FHIT: variants seen among roughly 807,000 people sequenced by gnomAD.
The protein encoded by FHIT is bis(5'-adenosyl)-triphosphatase.
A neutral mutation model predicts 17.9 loss-of-function variants in FHIT; 19 were observed. The ratio of observed to expected loss-of-function variants is 1.06; its 90% CI spans 0.74 to 1.56. The LOEUF is 1.56. FHIT is among the 40% of genes most tolerant of loss of function. The pLI, the probability that FHIT is intolerant of heterozygous loss-of-function variation, is 0.00. For missense variants in FHIT, 248 were observed against 189.2 expected (o/e 1.31, Z -1.82); for synonymous variants, 81 against 69.7 (o/e 1.16, Z -0.81).
intron 8 of FHIT, among the ~76,000 whole-genome samples, chr3:59,814,648 C>A (rs528318444): frequency 6.6e-6 from 1 of 152,158 alleles, no homozygotes; most frequent in African/African-American, 2.4e-5. Context: ...CTTTCCTAGG[C>A]CACACAGCTT....
At chr3:60,698,504 G>C (rs527715739) in intron 4 of FHIT, among the ~76,000 whole-genome samples, 1 of 152,260 alleles carries the variant, frequency 6.6e-6, no homozygotes, top group African/African-American at 2.4e-5. Flanking sequence ...ACCGCATAAA[G>C]TAAATGTGTT....
chr3:60,454,303 G>T (rs1457971889), intron 5 of FHIT, among the ~76,000 whole-genome samples: 2 of 151,938 alleles, frequency 1.3e-5, no homozygotes, highest in African/African-American at 2.4e-5. Context: ...AAATAAGCAG[G>T]CTGCTATTTG....
At chr3:60,362,879 G>A (rs540070214) in intron 5 of FHIT, among the ~76,000 whole-genome samples, 12 of 152,280 alleles carry the variant, frequency 7.9e-5, no homozygotes, top group African/African-American at 2.6e-4. Flanking sequence ...AAAAAGGCCC[G>A]TGTCAGAGAA....
intron 8 of FHIT, among the ~76,000 whole-genome samples, chr3:59,769,027 C>T (rs1701943759): frequency 6.6e-6 from 1 of 152,202 alleles, no homozygotes; most frequent in African/African-American, 2.4e-5. Flanking sequence ...AATATCCTTC[C>T]CTCTTTTAAG....
intron 2 of FHIT, among the ~76,000 whole-genome samples, chr3:61,141,589 C>T (rs2037082614): frequency 6.9e-6 from 1 of 144,802 alleles, no homozygotes; most frequent in South Asian, 2.1e-4. Flanking sequence ...AGAAACAGGA[C>T]ACAGAAACTA....
intron 1 of FHIT, among the ~76,000 whole-genome samples, chr3:61,210,589 G>A (rs540937644): frequency 8.5e-5 from 13 of 152,284 alleles, no homozygotes; most frequent in Admixed American, 4.6e-4. Context: ...CTCCGTGGGC[G>A]TAGGGCCCTC....
At chr3:60,499,786 G>A (rs2034449986) in intron 5 of FHIT, among the ~76,000 whole-genome samples, 1 of 152,064 alleles carries the variant, frequency 6.6e-6, no homozygotes, top group Non-Finnish European at 1.5e-5. Flanking sequence ...TCCCACAATG[G>A]GCTGGTCCCT....
Position 59,749,285 on chromosome 3 carries a change from C to A in FHIT, c.*300G>T. 4.3e-6 allele frequency: 1 copy of A among 230,552 alleles called. No individual in the cohort carries two copies. The highest frequency in any genetic ancestry group is 8.6e-6 in the Non-Finnish European group (1 of 116,594). The allele number at this position is 230,552 out of a possible 1,614,324, so 14.3% of individuals were successfully genotyped here. ...AATAGGTTTGTTGCCTAATTCATGG[C>A]AAGTCAATACACCGAGACACAGGGT... On this transcript the variant is annotated 3_prime_UTR_variant, in exon 10 of 10. Transcript: ENST00000492590.
At chr3:60,894,150 G>A (rs1373483813) in intron 3 of FHIT, among the ~76,000 whole-genome samples, 2 of 152,168 alleles carry the variant, frequency 1.3e-5, no homozygotes, top group East Asian at 1.9e-4. Flanking sequence ...TCTGGCATCT[G>A]AAACAAAAGA....
intron 5 of FHIT, among the ~76,000 whole-genome samples, chr3:60,479,378 A>G (rs556597182): frequency 1.3e-5 from 2 of 152,272 alleles, no homozygotes; most frequent in African/African-American, 4.8e-5. Context: ...AAATATATAC[A>G]GTCATGCACC....
At chr3:60,189,640 C>T (rs6783655) in intron 5 of FHIT, among the ~76,000 whole-genome samples, 2,555 of 152,204 alleles carry the variant, frequency 0.017, 68 homozygotes, top group African/African-American at 0.059. Flanking sequence ...CCTGATAATG[C>T]GATCATTACA....
At chr3:60,727,778 C>T (rs977891636) in intron 4 of FHIT, among the ~76,000 whole-genome samples, 9 of 152,072 alleles carry the variant, frequency 5.9e-5, no homozygotes, top group Non-Finnish European at 1.3e-4. Context: ...CCGAGGCGGG[C>T]GGATCACAAG....
rs1285036571 is a variant in FHIT at position 60,451,455 on chromosome 3, T to C, written c.103+85405A>G. Reference sequence around the variant, plus strand: ...GGACTGGTACATCTTGTCTTTGACATATTTAACTGTTACAAGAATTCCAGA... The same window carrying C: ...GGACTGGTACATCTTGTCTTTGACACATTTAACTGTTACAAGAATTCCAGA... On this transcript the variant is annotated intron_variant, in intron 5 of 9. Coordinates refer to ENST00000492590, the MANE Select transcript of FHIT (RefSeq NM_002012.4). Among the ~76,000 whole-genome samples, 3 of 152,266 alleles carry C rather than the reference T, an allele frequency of 2.0e-5. No individual in the cohort carries two copies. In the East Asian group the frequency reaches 5.8e-4, roughly 29 times the overall value.
intron 4 of FHIT, among the ~76,000 whole-genome samples, chr3:60,724,660 G>GT (rs543830464): frequency 0.02 from 1,710 of 85,384 alleles, 15 homozygotes; most frequent in Middle Eastern, 0.034. Flanking sequence ...TTTTTTTTTT[G>GT]TTTTTTTTTT....
At chr3:60,119,438 G>A (rs12635236) in intron 5 of FHIT, among the ~76,000 whole-genome samples, 73,237 of 151,924 alleles carry the variant, frequency 0.48, 18,202 homozygotes, top group African/African-American at 0.56. Context: ...GATGCATCTT[G>A]TAATTGATAT....
chr3:60,776,986 G>A (rs13083707), intron 4 of FHIT, among the ~76,000 whole-genome samples: 39,612 of 152,136 alleles, frequency 0.26, 5,419 homozygotes, highest in African/African-American at 0.3. Flanking sequence ...TAAATTGAGC[G>A]TTGAAGTAAA....
intron 5 of FHIT, among the ~76,000 whole-genome samples, chr3:60,233,644 G>C (rs1704615282): frequency 6.6e-6 from 1 of 151,978 alleles, no homozygotes. Context: ...TGAAAAATAA[G>C]CTGATATAGT....
intron 8 of FHIT, among the ~76,000 whole-genome samples, chr3:59,771,951 C>G (rs1702091537): frequency 6.6e-6 from 1 of 152,182 alleles, no homozygotes. Context: ...CCTCAGGGAT[C>G]CATGAGTCAC....
chr3:60,578,038 A>G (rs1553658214), intron 4 of FHIT, among the ~76,000 whole-genome samples: 1 of 152,146 alleles, frequency 6.6e-6, no homozygotes, highest in African/African-American at 2.4e-5. Flanking sequence ...AAGGGATAAC[A>G]TGATTAAAAA....
Sources: allele counts gnomAD v4.1 joint callset (sites outside exome capture counted in the v4.1 genomes callset), GRCh38; gene constraint gnomAD v4.1.1; transcripts MANE v1.5; gene names NCBI Gene and HGNC (gene_info 2026-07-23, HGNC 2026-07-21).